SLC7A13: variants seen among roughly 807,000 people sequenced by gnomAD.
SLC7A13 encodes the protein solute carrier family 7 member 13.
A neutral mutation model predicts 32.0 loss-of-function variants in SLC7A13; 31 were observed. That is an observed-to-expected ratio of 0.97 (90% CI 0.73 to 1.31). The LOEUF (loss-of-function observed/expected upper bound fraction) is 1.31. SLC7A13 is among the 50% of genes most tolerant of loss of function. The pLI is 0.00. For synonymous variants in SLC7A13, 232 were observed against 206.9 expected (o/e 1.12, Z -1.04); for missense variants, 633 against 546.9 (o/e 1.16, Z -1.57).
rs1254838059 is a variant in SLC7A13, at chr8:86,217,885, T to G, written c.818-54A>C. ...AAATGTGTTAAAAGAGAAATACTAA[T>G]GATAAACCTTTTAATATTATTTCAA... On this transcript the variant is annotated intron_variant, in intron 2 of 3. Coordinates refer to ENST00000297524, the MANE Select transcript of SLC7A13 (RefSeq NM_138817.3). The G allele has an allele frequency of 6.2e-6, 9 of 1,458,896 alleles. No individual in the cohort carries two copies. The South Asian group carries it at 1.2e-4, about 19-fold the overall frequency. The allele number at this position is 1,458,896 out of a possible 1,614,324, so 90.4% of individuals were successfully genotyped here.
intron 2 of SLC7A13, 136 bp downstream of exon 2, chr8:86,222,836 C>T (rs1278349294): frequency 1.2e-6 from 1 of 839,788 alleles, no homozygotes; most frequent in Non-Finnish European, 1.7e-6. Context: ...CTTTGGCCCT[C>T]TGTTATTTTA....
In SLC7A13 at chr8:86,229,220, C is replaced by T. The variant is rs1332824130; in HGVS notation, c.685+373G>A. Among the ~76,000 whole-genome samples the T allele has an allele frequency of 4.0e-5, 6 of 151,768 alleles. No homozygotes were observed. The East Asian group carries it at 1.2e-3, about 29-fold the overall frequency. ...TTAGAGCCTCAATGCGTCATACCTA[C>T]CTACAACACAAACATAGTCTGGCAT... is the stretch of plus-strand genomic sequence containing the variant. On this transcript the variant is annotated intron_variant, in intron 1 of 3. Coordinates refer to ENST00000297524, the MANE Select transcript of SLC7A13 (RefSeq NM_138817.3).
At chr8:86,227,446 TTCTG>T (rs2129808265) in intron 1 of SLC7A13, among the ~76,000 whole-genome samples, 2 of 152,328 alleles carry the variant, frequency 1.3e-5, no homozygotes, top group South Asian at 2.1e-4. Context: ...AGATGAAAAC[TTCTG>T]TCTAACATTG....
In SLC7A13 at chr8:86,223,090, CT is replaced by C; in HGVS notation, c.698del (p.Lys233SerfsTer17). The C allele has an allele frequency of 1.9e-6, 3 of 1,600,140 alleles. No homozygotes were observed. The South Asian group carries it at 3.4e-5, about 18-fold the overall frequency. On this transcript the variant is annotated frameshift_variant, in exon 2 of 4. Transcript: ENST00000297524. LOFTEE classifies it high-confidence loss of function. ...TGCATTTGGGAATTGTTGTTCTGGG[CT>C]TCTTCAGCTCCCCTATAACACAAAA... ...CFTLIAGELK[K>X]PRTTIPKCIF...
chr8:86,215,331 A>T (rs1183559997), intron 3 of SLC7A13, among the ~76,000 whole-genome samples: 3 of 152,192 alleles, frequency 2.0e-5, no homozygotes, highest in Non-Finnish European at 4.4e-5. Flanking sequence ...TTACACAGCT[A>T]GTCATAATTT....
chr8:86,223,962 A>G (rs1462989667), intron 1 of SLC7A13, among the ~76,000 whole-genome samples: 4 of 152,174 alleles, frequency 2.6e-5, no homozygotes, highest in Non-Finnish European at 4.4e-5. Flanking sequence ...TAAGTCCTGT[A>G]CCATTTGAAG....
chr8:86,229,568 A>AC (rs1820445799), intron 1 of SLC7A13, 25 bp downstream of exon 1: 5 of 1,573,122 alleles, frequency 3.2e-6, no homozygotes, highest in African/African-American at 1.4e-5. Context: ...ATGATTTTAG[A>AC]TTTTTTTCCT....
chr8:86,217,947 G>A, intron 2 of SLC7A13, 116 bp from the exon 3 acceptor site: 2 of 1,160,320 alleles, frequency 1.7e-6, no homozygotes, highest in Non-Finnish European at 2.3e-6. Flanking sequence ...ATAACATTTA[G>A]TTTGCTTAAT....
At chr8:86,215,805 A>G in intron 3 of SLC7A13, 1 of 299,792 alleles carries the variant, frequency 3.3e-6, no homozygotes, top group South Asian at 2.5e-5. Context: ...GAGAGAAAAG[A>G]AAAGAGCACT....
chr8:86,214,756 C>G (rs866264494), intron 3 of SLC7A13, 110 bp from the exon 4 acceptor site: 3 of 765,630 alleles, frequency 3.9e-6, no homozygotes, highest in Non-Finnish European at 6.2e-6. Flanking sequence ...AGAAAACAGG[C>G]TAAATTAGCT....
chr8:86,224,315 T>G (rs1207587348), intron 1 of SLC7A13, among the ~76,000 whole-genome samples: 7 of 152,296 alleles, frequency 4.6e-5, no homozygotes, highest in Admixed American at 4.6e-4. Flanking sequence ...CTTTCCTAGT[T>G]GCCTAGTTGA....
At chr8:86,217,316 G>C (rs958786119) in intron 3 of SLC7A13, among the ~76,000 whole-genome samples, 154 bp downstream of exon 3, 2 of 151,984 alleles carry the variant, frequency 1.3e-5, no homozygotes, top group South Asian at 4.1e-4. Flanking sequence ...CAATAAAAAC[G>C]AAAATTAAAA....
At chr8:86,220,946 T>C (rs1483374574) in intron 2 of SLC7A13, among the ~76,000 whole-genome samples, 1 of 151,330 alleles carries the variant, frequency 6.6e-6, no homozygotes, top group Non-Finnish European at 1.5e-5. Context: ...GTGAGCAAGA[T>C]TGTGCCACTG....
At chr8:86,218,280 T>A (rs1198075708) in intron 2 of SLC7A13, among the ~76,000 whole-genome samples, 2 of 152,188 alleles carry the variant, frequency 1.3e-5, no homozygotes, top group African/African-American at 4.8e-5. Context: ...AGTGCAACAC[T>A]ACTGACACCA....
intron 2 of SLC7A13, among the ~76,000 whole-genome samples, chr8:86,219,759 G>C (rs1427463751): frequency 6.6e-6 from 1 of 151,958 alleles, no homozygotes; most frequent in Non-Finnish European, 1.5e-5. Context: ...AACTGTCATT[G>C]CGTTTATCTA....
chr8:86,215,726 T>G, intron 3 of SLC7A13: 1 of 433,020 alleles, frequency 2.3e-6, no homozygotes, highest in Non-Finnish European at 4.6e-6. Flanking sequence ...AATCTCTTCT[T>G]AGCTTATAAA....
intron 1 of SLC7A13, 89 bp downstream of exon 1, chr8:86,229,504 T>G: frequency 6.7e-6 from 8 of 1,196,338 alleles, no homozygotes; most frequent in Non-Finnish European, 8.2e-6. Context: ...ATTAAATCAT[T>G]TAAGACTCAA....
At position 86,223,069 on chromosome 8, in the gene SLC7A13, T is replaced by C. The variant is rs1188701238; in HGVS notation, c.720A>G (p.Lys240=). ...CCAGAGGTAACGCAGTAAATATGCATTTGGGAATTGTTGTTCTGGGCTTCT... is the reference window on the plus strand; with the variant it reads ...CCAGAGGTAACGCAGTAAATATGCACTTGGGAATTGTTGTTCTGGGCTTCT... ...ELKKPRTTIP[K]CIFTALPLVT... The change falls in exon 2 of 4, where the codon AAA becomes AAG. Residue 240 remains lysine (K), a synonymous_variant. Coordinates refer to ENST00000297524, the MANE Select transcript of SLC7A13 (RefSeq NM_138817.3). The C allele has an allele frequency of 2.5e-6, 4 of 1,606,024 alleles. No homozygotes were observed. Among genetic ancestry groups the C allele is most frequent in the Non-Finnish European group, 2.6e-6 (3 of 1,176,128 alleles).
Position 86,229,914 on chromosome 8 carries a change from G to T in SLC7A13, c.364C>A (p.Pro122Thr), listed in dbSNP as rs970139973. The T allele has an allele frequency of 6.2e-7, 1 of 1,614,174 alleles. No individual in the cohort carries two copies. The highest frequency in any genetic ancestry group is 1.1e-5 in the South Asian group (1 of 91,080). The change falls in exon 1 of 4, where the codon CCT (proline) becomes ACT (threonine). Residue 122 changes from proline to threonine, a missense_variant. Pro to Thr is a conservative substitution (Grantham distance 38). Coordinates refer to ENST00000297524, the MANE Select transcript of SLC7A13 (RefSeq NM_138817.3). Reference sequence around the variant, plus strand: ...GGGACAGAGCAGCTGGGAAAAAAAGGCTGGATGCTGTACTCAGCAAGGAGC... The same window carrying T: ...GGGACAGAGCAGCTGGGAAAAAAAGTCTGGATGCTGTACTCAGCAAGGAGC... ...ALLLAEYSIQ[P>T]FFPSCSVPKL... is the part of the protein sequence containing the mutation.
Sources: allele counts gnomAD v4.1 joint callset (sites outside exome capture counted in the v4.1 genomes callset), GRCh38; gene constraint gnomAD v4.1.1; transcripts MANE v1.5; gene names NCBI Gene and HGNC (gene_info 2026-07-23, HGNC 2026-07-21).